PRMT7: variants seen among roughly 807,000 people sequenced by gnomAD.
PRMT7 encodes protein arginine N-methyltransferase 7.
In PRMT7, 75 loss-of-function variants were observed where a neutral mutation model predicts 85.4. The ratio of observed to expected loss-of-function variants is 0.88; its 90% CI spans 0.73 to 1.06. The LOEUF (loss-of-function observed/expected upper bound fraction) is 1.06. Ranked by LOEUF, PRMT7 falls within the 50% of genes least tolerant of loss-of-function variation. PRMT7 has a pLI of 0.00. For synonymous variants in PRMT7, 397 were observed against 359.5 expected (o/e 1.10, Z -1.18); for missense variants, 868 against 915.2 (o/e 0.95, Z 0.67).
At chr16:68,319,310 G>T (rs965406829) in intron 3 of PRMT7, among the ~76,000 whole-genome samples, 28 of 152,104 alleles carry the variant, frequency 1.8e-4, no homozygotes, top group Non-Finnish European at 4.0e-4. Flanking sequence ...GGCAAAGAAG[G>T]GCAAGGGAGA....
intron 3 of PRMT7, chr16:68,317,007 T>C (rs1219012486): frequency 6.9e-6 from 1 of 144,578 alleles, no homozygotes; most frequent in African/African-American, 2.6e-5. Context: ...GTGGAGGGGG[T>C]GGTGGCGGCT....
intron 4 of PRMT7, chr16:68,322,516 A>G (rs4783618): frequency 0.61 from 230,508 of 378,818 alleles, 71,073 homozygotes; most frequent in East Asian, 0.78. Context: ...CTTGTTTACC[A>G]TGTGTATATC....
At position 68,336,217 on chromosome 16, in the gene PRMT7, A is replaced by G. The variant is rs1314161980; in HGVS notation, c.392-1242A>G. 2.4e-4 allele frequency among the ~76,000 whole-genome samples: 37 copies of G among 152,250 alleles called. 2 individuals carry two copies. The highest frequency in any genetic ancestry group is 2.4e-3 in the Admixed American group (37 of 15,286). On this transcript the variant is annotated intron_variant, in intron 6 of 18. Transcript: ENST00000441236. ...TTACAGTTAATTCTCCCTGATGAAT[A>G]GCCCCTTCCAAAGTCTATTTTGGCT...
chr16:68,323,068 C>T (rs1475074051), intron 4 of PRMT7, among the ~76,000 whole-genome samples: 4 of 151,904 alleles, frequency 2.6e-5, no homozygotes, highest in African/African-American at 7.3e-5. Flanking sequence ...ATAACATAAA[C>T]GGTCATACTG....
chr16:68,348,528 C>G (rs1413768418), intron 14 of PRMT7, 97 bp downstream of exon 14: 7 of 938,634 alleles, frequency 7.5e-6, no homozygotes, highest in Non-Finnish European at 9.7e-6. Context: ...TGGAGTCTCA[C>G]AGTGGGTCCT....
In PRMT7 at chr16:68,346,299, G is replaced by A. The variant is rs1004033318; in HGVS notation, c.1191+19G>A. On this transcript the variant is annotated intron_variant, in intron 11 of 18. Coordinates refer to ENST00000441236, the MANE Select transcript of PRMT7 (RefSeq NM_019023.5). Reference sequence around the variant, plus strand: ...GAGGACCGTAAGTGTCCAGCCCCTTGGCTTGTTGTGGGGAAAAGGGAGAAA... The same window carrying A: ...GAGGACCGTAAGTGTCCAGCCCCTTAGCTTGTTGTGGGGAAAAGGGAGAAA... 1 of 1,612,396 alleles carries A rather than the reference G, an allele frequency of 6.2e-7. No individual in the cohort carries two copies. Among genetic ancestry groups the A allele is most frequent in the Non-Finnish European group, 8.5e-7 (1 of 1,178,580 alleles).
At chr16:68,346,349 A>G in intron 11 of PRMT7, 69 bp downstream of exon 11, 2 of 1,598,852 alleles carry the variant, frequency 1.3e-6, no homozygotes, top group Non-Finnish European at 1.7e-6. Flanking sequence ...GAACCCCAGC[A>G]CTTTGCTTAT....
rs753417127 is a variant in PRMT7, at chr16:68,311,080, C to T, written c.-238C>T. On this transcript the variant is annotated 5_prime_UTR_variant, in exon 1 of 19. Transcript: ENST00000441236. ...TAAAAGTGGTAGCAGCGGAGGCGAG[C>T]GGAGGGTTTCCCGCGGCGGGTGAGG... The T allele has an allele frequency of 7.9e-6, 6 of 759,168 alleles. 1 individual carries two copies. The highest frequency in any genetic ancestry group is 2.8e-4 in the Middle Eastern group (1 of 3,608). The allele number at this position is 759,168 out of a possible 1,614,324, so 47.0% of individuals were successfully genotyped here.
chr16:68,341,031 T>C (rs2085445565), intron 9 of PRMT7, among the ~76,000 whole-genome samples: 2 of 152,218 alleles, frequency 1.3e-5, no homozygotes, highest in African/African-American at 4.8e-5. Context: ...GTGGTGTACA[T>C]ATAAGGAGGT....
intron 15 of PRMT7, 106 bp downstream of exon 15, chr16:68,352,515 G>T (rs762916276): frequency 2.7e-6 from 3 of 1,124,000 alleles, no homozygotes; most frequent in Non-Finnish European, 3.6e-6. Context: ...AGGCCTTGAT[G>T]ATTTGAGCTT....
At chr16:68,347,740 T>C in intron 13 of PRMT7, 62 bp downstream of exon 13, 7 of 1,506,010 alleles carry the variant, frequency 4.6e-6, no homozygotes, top group Non-Finnish European at 6.4e-6. Context: ...GTTGATGGCT[T>C]TGAAGTGGCA....
intron 2 of PRMT7, among the ~76,000 whole-genome samples, chr16:68,314,350 C>A (rs1463524113): frequency 6.6e-6 from 1 of 152,240 alleles, no homozygotes; most frequent in Non-Finnish European, 1.5e-5. Context: ...CCTGCCTCAG[C>A]CTCCTGAGTA....
chr16:68,319,711 A>AGAGTGTGTGTGT (rs1555543581), intron 3 of PRMT7, among the ~76,000 whole-genome samples: 4 of 141,446 alleles, frequency 2.8e-5, no homozygotes, highest in Non-Finnish European at 4.6e-5. Flanking sequence ...TAAGAGTGAG[A>AGAGTGTGTGTGT]GTGTGTGTGT....
chr16:68,351,494 T>A (rs2151893494), intron 14 of PRMT7: 1 of 152,640 alleles, frequency 6.6e-6, no homozygotes, highest in Admixed American at 6.5e-5. Context: ...GATGAAAACT[T>A]CTAGTGACAT....
At chr16:68,331,078 A>G (rs371245642) in intron 6 of PRMT7, among the ~76,000 whole-genome samples, 14 of 152,256 alleles carry the variant, frequency 9.2e-5, no homozygotes, top group Admixed American at 7.2e-4. Context: ...ATCATGCCCA[A>G]AGAGATTCCT....
chr16:68,345,697 G>T lies in PRMT7; in HGVS notation c.950G>T (p.Cys317Phe), dbSNP rs145524261. 3 of 1,613,172 alleles carry T rather than the reference G, an allele frequency of 1.9e-6. No homozygotes were observed. The African/African-American group carries it at 4.0e-5, about 22-fold the overall frequency. Residue 317 changes from cysteine (C) to phenylalanine (F), a missense_variant, in exon 10 of 19, where the codon TGT (cysteine) becomes TTT (phenylalanine). Coordinates refer to ENST00000441236, the MANE Select transcript of PRMT7 (RefSeq NM_019023.5). ...CAGTGGCGGGACCACTGGATGCAGT[G>T]TGTGTACTTCCTGCCACAAGAGGAG... is the stretch of plus-strand genomic sequence containing the variant. ...EMQWRDHWMQ[C>F]VYFLPQEEPV...
At chr16:68,341,352 C>T (rs745383767) in intron 9 of PRMT7, among the ~76,000 whole-genome samples, 29 of 152,214 alleles carry the variant, frequency 1.9e-4, no homozygotes, top group East Asian at 3.8e-4. Flanking sequence ...AGCCACACCA[C>T]GTGGGGGAGA....
chr16:68,343,319 C>T (rs549140784), intron 9 of PRMT7, among the ~76,000 whole-genome samples: 1 of 152,200 alleles, frequency 6.6e-6, no homozygotes, highest in African/African-American at 2.4e-5. Context: ...ATAGCCAACC[C>T]GGGACTCAGC....
chr16:68,312,755 GAGA>G (rs2044089631), intron 2 of PRMT7, among the ~76,000 whole-genome samples: 1 of 152,210 alleles, frequency 6.6e-6, no homozygotes, highest in Admixed American at 6.5e-5. Context: ...CATTCAGCCA[GAGA>G]AGGTGTGTAG....
Sources: allele counts gnomAD v4.1 joint callset (sites outside exome capture counted in the v4.1 genomes callset), GRCh38; gene constraint gnomAD v4.1.1; transcripts MANE v1.5; gene names NCBI Gene and HGNC (gene_info 2026-07-23, HGNC 2026-07-21).